Variants in SLC36A1 observed in about 807,000 individuals in gnomAD.
SLC36A1 encodes solute carrier family 36 member 1, also known as proton-coupled amino acid transporter 1.
SLC36A1 carries 30 observed loss-of-function variants against 47.5 expected under a neutral mutation model. The observed-to-expected ratio is 0.63, with a 90% CI of 0.47 to 0.86. The LOEUF (loss-of-function observed/expected upper bound fraction) is 0.86. Among genes scored for constraint, SLC36A1 ranks in the 40% least tolerant of loss-of-function variants. The pLI, the probability that SLC36A1 is intolerant of heterozygous loss-of-function variation, is 0.00. For synonymous variants in SLC36A1, 255 were observed against 249.7 expected, an observed-to-expected ratio of 1.02 and a Z score of -0.20; for missense variants, 517 against 606.0, an observed-to-expected ratio of 0.85 and a Z score of 1.54.
At chr5:151,483,518 G>GTGGA (rs57968429) in intron 10 of SLC36A1, among the ~76,000 whole-genome samples, 9,867 of 138,100 alleles carry the variant, frequency 0.071, 1,183 homozygotes, top group African/African-American at 0.28. Flanking sequence ...TTGTGTGTGT[G>GTGGA]GGGGGGGTGA....
At chr5:151,345,385 C>T in the SLC36A1 span, among the ~76,000 whole-genome samples, 2 of 152,206 alleles carry the variant, frequency 1.3e-5, no homozygotes, top group South Asian at 2.1e-4. Context: ...ACGTGTTCAA[C>T]TTTGTTGACC....
At chr5:151,437,327 CTTTAAAA>C (rs1759827495) in intron 1 of SLC36A1, 1 of 152,190 alleles carries the variant, frequency 6.6e-6, no homozygotes, top group Non-Finnish European at 1.5e-5. Context: ...ATATTCACAT[CTTTAAAA>C]ATGCTCATGT....
chr5:151,495,593 A>G (rs1240084775), downstream of SLC36A1, among the ~76,000 whole-genome samples: 1 of 152,026 alleles, frequency 6.6e-6, no homozygotes, highest in East Asian at 1.9e-4. Context: ...TGTATACACC[A>G]CCACCACAAT....
the SLC36A1 span, among the ~76,000 whole-genome samples, chr5:151,535,345 C>G: frequency 1.3e-5 from 2 of 152,044 alleles, no homozygotes; most frequent in South Asian, 4.1e-4. Flanking sequence ...ATCTTTCCCC[C>G]CTTTTCTAAT....
chr5:151,392,436 T>C, the SLC36A1 span, among the ~76,000 whole-genome samples: 1 of 152,200 alleles, frequency 6.6e-6, no homozygotes, highest in Non-Finnish European at 1.5e-5. Context: ...TTTCTTGCCT[T>C]CTGCTAGCTT....
chr5:151,466,493 G>A (rs1756401203), intron 5 of SLC36A1, among the ~76,000 whole-genome samples: 1 of 151,912 alleles, frequency 6.6e-6, no homozygotes, highest in African/African-American at 2.4e-5. Flanking sequence ...TAACTGCTGT[G>A]TAATGTTCCA....
chr5:151,470,800 C>T (rs2127507721), intron 7 of SLC36A1: 1 of 152,336 alleles, frequency 6.6e-6, no homozygotes, highest in African/African-American at 2.4e-5. Context: ...CATGACTGTT[C>T]CTCTTGCCCC....
intron 2 of SLC36A1, chr5:151,459,948 A>T (rs1755262880): frequency 6.6e-6 from 1 of 152,168 alleles, no homozygotes; most frequent in African/African-American, 2.4e-5. Context: ...CCACTAGCTG[A>T]TTTCTATGCC....
At chr5:151,493,759 C>A (rs1431298924), downstream of SLC36A1, among the ~76,000 whole-genome samples, 1 of 152,198 alleles carries the variant, frequency 6.6e-6, no homozygotes, top group Non-Finnish European at 1.5e-5. Context: ...AACCTGAGTG[C>A]TTCCCAAGGC....
chr5:151,406,958 C>T, the SLC36A1 span, among the ~76,000 whole-genome samples: 4 of 152,138 alleles, frequency 2.6e-5, no homozygotes, highest in Non-Finnish European at 2.9e-5. Flanking sequence ...CTGGTGGGTT[C>T]GTGGTCTTGC....
chr5:151,362,485 A>T, the SLC36A1 span, among the ~76,000 whole-genome samples: 3 of 150,854 alleles, frequency 2.0e-5, no homozygotes, highest in Admixed American at 2.0e-4. Flanking sequence ...CCGCCTCCTA[A>T]GTTCAAGCAA....
At chr5:151,442,858 T>G (rs949325101), upstream of SLC36A1, among the ~76,000 whole-genome samples, 2 of 152,140 alleles carry the variant, frequency 1.3e-5, no homozygotes, top group African/African-American at 2.4e-5. Flanking sequence ...GTATTTGACT[T>G]GAAAAAAAAG....
chr5:151,421,260 T>C, the SLC36A1 span, among the ~76,000 whole-genome samples: 1 of 150,676 alleles, frequency 6.6e-6, no homozygotes, highest in African/African-American at 2.4e-5. Flanking sequence ...TTCTTTTTTT[T>C]TTTCAAGGTC....
At chr5:151,553,830 T>C in the SLC36A1 span, among the ~76,000 whole-genome samples, 1 of 152,228 alleles carries the variant, frequency 6.6e-6, no homozygotes, top group African/African-American at 2.4e-5. Context: ...GAAGAGGTCC[T>C]GTTATCATCT....
the SLC36A1 span, chr5:151,526,063 A>G: frequency 8.8e-7 from 1 of 1,131,714 alleles, no homozygotes; most frequent in Non-Finnish European, 1.3e-6. Flanking sequence ...AGTCCTCAGC[A>G]CTCTGACTGC....
At chr5:151,550,473 C>G in the SLC36A1 span, 1 of 1,187,270 alleles carries the variant, frequency 8.4e-7, no homozygotes, top group Non-Finnish European at 1.2e-6. Context: ...TGTCACAACT[C>G]TGTCTCGTGC....
upstream of SLC36A1, among the ~76,000 whole-genome samples, chr5:151,434,458 A>G (rs2127435227): frequency 6.6e-6 from 1 of 152,348 alleles, no homozygotes; most frequent in East Asian, 1.9e-4. Context: ...GCTTGATAGG[A>G]GATTATGCAC....
At chr5:151,390,452 T>C in the SLC36A1 span, among the ~76,000 whole-genome samples, 2 of 152,324 alleles carry the variant, frequency 1.3e-5, no homozygotes, top group East Asian at 3.9e-4. Flanking sequence ...TGCCATTGCT[T>C]TTGGTGTTTT....
the SLC36A1 span, among the ~76,000 whole-genome samples, chr5:151,348,831 T>G: frequency 1.3e-5 from 2 of 152,184 alleles, no homozygotes; most frequent in Non-Finnish European, 2.9e-5. Context: ...AGCCAGGTTT[T>G]TTTTGGTTGT....
Sources: allele counts gnomAD v4.1 joint callset (sites outside exome capture counted in the v4.1 genomes callset), GRCh38; gene constraint gnomAD v4.1.1; transcripts MANE v1.5; gene names NCBI Gene and HGNC (gene_info 2026-07-23, HGNC 2026-07-21).